The following VPS13B variants were observed in gnomAD, a reference collection of about 807,000 sequenced individuals.
The protein encoded by VPS13B is intermembrane lipid transfer protein VPS13B.
A neutral mutation model predicts 426.4 loss-of-function variants in VPS13B; 285 were observed. That is an observed-to-expected ratio of 0.67 (90% confidence interval 0.61 to 0.74). The LOEUF (loss-of-function observed/expected upper bound fraction) is 0.74. VPS13B is among the 30% of genes least tolerant of loss of function. VPS13B has a pLI of 0.00. For missense variants in VPS13B, 4,537 were observed against 4,782.6 expected (o/e 0.95, Z 1.51); for synonymous variants, 1,676 against 1,676.4 (o/e 1.00, Z 0.01).
chr8:99,305,470 A>G (rs1216530712), intron 19 of VPS13B, among the ~76,000 whole-genome samples: 1 of 152,114 alleles, frequency 6.6e-6, no homozygotes, highest in East Asian at 1.9e-4. Context: ...GGATTTGAGT[A>G]TCAGCAGATT....
At chr8:99,658,927 C>T (rs1260750260) in intron 34 of VPS13B, among the ~76,000 whole-genome samples, 1 of 152,126 alleles carries the variant, frequency 6.6e-6, no homozygotes, top group African/African-American at 2.4e-5. Flanking sequence ...GTGATCCTCC[C>T]ACATTATCCT....
intron 24 of VPS13B, among the ~76,000 whole-genome samples, chr8:99,478,831 TAAAA>T (rs57445772): frequency 3.7e-5 from 5 of 136,436 alleles, no homozygotes; most frequent in Admixed American, 7.1e-5. Flanking sequence ...TGTTTTTGTG[TAAAA>T]AAAAAAAAAA....
In VPS13B at chr8:99,778,893, C is replaced by T; in HGVS notation, c.7641C>T (p.Ser2547=). Residue 2547 remains serine (S), a synonymous_variant, in exon 42 of 62, where the codon AGC becomes AGT. Transcript: ENST00000357162. ...TGCAAAGTGTGGTGAAACCCTTCAG[C>T]ATCTTCGGGCAGATGGCAGTTTCCA... The part of the protein sequence containing the change: ...VTMQSVVKPF[S]IFGQMAVSSD... 1 of 1,613,996 alleles carries T rather than the reference C, an allele frequency of 6.2e-7. No individual in the cohort carries two copies. Among genetic ancestry groups the T allele is most frequent in the Non-Finnish European group, 8.5e-7 (1 of 1,179,930 alleles).
intron 16 of VPS13B, among the ~76,000 whole-genome samples, chr8:99,181,993 C>T (rs1812970100): frequency 6.6e-6 from 1 of 152,006 alleles, no homozygotes; most frequent in Non-Finnish European, 1.5e-5. Flanking sequence ...ACAGACATTT[C>T]ACAAAGGAAG....
In VPS13B at chr8:99,757,715, C is replaced by A. The variant is rs181623426; in HGVS notation, c.7051-9059C>A. Among the ~76,000 whole-genome samples the A allele has an allele frequency of 2.9e-3, 447 of 152,318 alleles. 6 individuals are homozygous for A. Among genetic ancestry groups the A allele is most frequent in the Non-Finnish European group, 6.5e-4 (44 of 68,020 alleles). The stretch of plus-strand genomic sequence containing the variant: ...CAAATGGAAACAAATTGTGGAATAA[C>A]ATTTTAAATGCAAAAATACATGTGC... On this transcript the variant is annotated intron_variant, in intron 39 of 61. Transcript: ENST00000357162.
intron 20 of VPS13B, among the ~76,000 whole-genome samples, chr8:99,385,513 C>T (rs1010687942): frequency 2.0e-5 from 3 of 152,128 alleles, no homozygotes; most frequent in Non-Finnish European, 4.4e-5. Context: ...AAACTTCTGC[C>T]ATACCTGTCC....
chr8:99,551,640 G>A (rs1824290036), intron 30 of VPS13B, among the ~76,000 whole-genome samples: 1 of 151,866 alleles, frequency 6.6e-6, no homozygotes, highest in South Asian at 2.1e-4. Context: ...ATGTTAACAT[G>A]TGTACTTAAC....
chr8:99,521,421 G>A (rs551246334), intron 30 of VPS13B, among the ~76,000 whole-genome samples: 2 of 152,258 alleles, frequency 1.3e-5, no homozygotes, highest in African/African-American at 4.8e-5. Context: ...TAGGAATGTG[G>A]ATGTCATATG....
chr8:99,110,431 T>G (rs1402849448), intron 5 of VPS13B, among the ~76,000 whole-genome samples: 4 of 152,004 alleles, frequency 2.6e-5, no homozygotes, highest in African/African-American at 9.7e-5. Flanking sequence ...CTCTAGAGTG[T>G]TATTGGTGAT....
chr8:99,408,947 C>G (rs1350343983), intron 21 of VPS13B, among the ~76,000 whole-genome samples: 2 of 152,126 alleles, frequency 1.3e-5, no homozygotes, highest in Non-Finnish European at 2.9e-5. Flanking sequence ...TCAGATTCCT[C>G]TAATAGTTCA....
intron 32 of VPS13B, among the ~76,000 whole-genome samples, chr8:99,577,262 T>C (rs1825820436): frequency 6.6e-6 from 1 of 152,136 alleles, no homozygotes; most frequent in Non-Finnish European, 1.5e-5. Flanking sequence ...GTTAGTTGTG[T>C]ATATCTAGCA....
chr8:99,111,316 C>A, intron 6 of VPS13B, 37 bp downstream of exon 6: 1 of 1,544,412 alleles, frequency 6.5e-7, no homozygotes, highest in Non-Finnish European at 8.9e-7. Flanking sequence ...AGTTGCATGT[C>A]TTTATTTTGT....
chr8:99,568,381 C>G (rs1043200596), intron 31 of VPS13B, among the ~76,000 whole-genome samples: 1 of 151,666 alleles, frequency 6.6e-6, no homozygotes, highest in Non-Finnish European at 1.5e-5. Context: ...GCCTCTGCCT[C>G]CCGGGTTCAA....
chr8:99,591,608 T>C (rs1443110125), intron 33 of VPS13B, among the ~76,000 whole-genome samples: 2 of 152,124 alleles, frequency 1.3e-5, no homozygotes, highest in African/African-American at 4.8e-5. Flanking sequence ...CCTTCACTTA[T>C]GAAGCTTAGT....
intron 8 of VPS13B, 33 bp from the exon 9 acceptor site, chr8:99,134,599 A>G: frequency 1.3e-6 from 2 of 1,519,622 alleles, no homozygotes; most frequent in Non-Finnish European, 1.8e-6. Context: ...TTAATACTAA[A>G]TTTGATTTAC....
At chr8:99,588,100 T>C (rs1323865209) in intron 33 of VPS13B, among the ~76,000 whole-genome samples, 1 of 151,814 alleles carries the variant, frequency 6.6e-6, no homozygotes, top group Non-Finnish European at 1.5e-5. Context: ...ATTTCTTGTT[T>C]TTGTCAGGTT....
intron 13 of VPS13B, among the ~76,000 whole-genome samples, chr8:99,143,415 G>A (rs1341475634): frequency 6.6e-6 from 1 of 151,826 alleles, no homozygotes; most frequent in Non-Finnish European, 1.5e-5. Context: ...ATACCTTTTT[G>A]ATACTTTTTC....
intron 43 of VPS13B, among the ~76,000 whole-genome samples, chr8:99,801,586 A>G (rs971819003): frequency 6.6e-6 from 1 of 152,114 alleles, no homozygotes; most frequent in Admixed American, 6.6e-5. Flanking sequence ...TTCTATTTCA[A>G]CATGTCTTTC....
chr8:99,413,288 A>C (rs1452361412), intron 21 of VPS13B, among the ~76,000 whole-genome samples: 1 of 151,970 alleles, frequency 6.6e-6, no homozygotes, highest in Non-Finnish European at 1.5e-5. Context: ...TACTCTTGGG[A>C]GGGTGTATAT....
Sources: gnomAD v4.1 joint callset for allele counts (sites outside exome capture counted in the v4.1 genomes callset) on GRCh38, gnomAD v4.1.1 for gene constraint, MANE v1.5 for transcripts, NCBI Gene and HGNC (gene_info 2026-07-23, HGNC 2026-07-21) for gene names.